KAZN: variants seen among roughly 807,000 people sequenced by gnomAD.
KAZN encodes kazrin, periplakin interacting protein.
KAZN carries 40 observed loss-of-function variants against 87.4 expected under a neutral mutation model. The observed-to-expected ratio is 0.46, with a 90% CI of 0.36 to 0.60. The LOEUF (loss-of-function observed/expected upper bound fraction) is 0.60. Among genes scored for constraint, KAZN ranks in the 20% least tolerant of loss-of-function variants. The pLI, the probability that KAZN is intolerant of heterozygous loss-of-function variation, is 0.00. For synonymous variants in KAZN, 466 were observed against 458.3 expected (o/e 1.02, Z -0.22); for missense variants, 898 against 1,073.9 (o/e 0.84, Z 2.29).
chr1:14,161,782 C>A (rs762006847), intron 1 of KAZN, among the ~76,000 whole-genome samples: 9 of 152,144 alleles, frequency 5.9e-5, no homozygotes, highest in Non-Finnish European at 1.0e-4. Context: ...CATCTCCAAA[C>A]CCCCCAAAAT....
At chr1:14,021,883 G>C (rs1640840792) in intron 1 of KAZN, among the ~76,000 whole-genome samples, 3 of 150,674 alleles carry the variant, frequency 2.0e-5, no homozygotes, top group Admixed American at 6.6e-5. Context: ...GCAATTATGA[G>C]ATGCAAACAG....
chr1:14,750,346 C>G (rs1644379496), intron 1 of KAZN, among the ~76,000 whole-genome samples: 1 of 152,168 alleles, frequency 6.6e-6, no homozygotes, highest in African/African-American at 2.4e-5. Context: ...TCCTGAATTT[C>G]CACAGCACTG....
At chr1:14,409,912 TA>T (rs1333568761) in intron 2 of KAZN, among the ~76,000 whole-genome samples, 4 of 152,158 alleles carry the variant, frequency 2.6e-5, no homozygotes, top group Admixed American at 6.5e-5. Context: ...ATTTTTTAAA[TA>T]ATCAAATTTC....
intron 2 of KAZN, among the ~76,000 whole-genome samples, chr1:14,282,311 C>A (rs752293366): frequency 6.6e-5 from 10 of 152,174 alleles, no homozygotes; most frequent in Admixed American, 2.6e-4. Context: ...TTACCACTGT[C>A]ATTACAACTC....
At chr1:13,920,071 G>A (rs547309226) in intron 1 of KAZN, among the ~76,000 whole-genome samples, 29 of 152,000 alleles carry the variant, frequency 1.9e-4, no homozygotes, top group African/African-American at 5.8e-4. Flanking sequence ...CCAATATGGC[G>A]AAACCCCATC....
At chr1:14,197,730 C>G (rs1030081139) in intron 2 of KAZN, among the ~76,000 whole-genome samples, 4 of 152,068 alleles carry the variant, frequency 2.6e-5, no homozygotes, top group African/African-American at 9.7e-5. Flanking sequence ...ACCACCACTA[C>G]CAGAACCTTA....
chr1:15,059,229 G>C (rs1222303778), intron 5 of KAZN, among the ~76,000 whole-genome samples: 1 of 151,924 alleles, frequency 6.6e-6, no homozygotes, highest in Non-Finnish European at 1.5e-5. Flanking sequence ...GAGCCACCAT[G>C]CCCAGCCAAA....
intron 2 of KAZN, among the ~76,000 whole-genome samples, chr1:14,520,765 C>G (rs116440800): frequency 6.6e-6 from 1 of 152,180 alleles, no homozygotes; most frequent in Admixed American, 6.5e-5. Flanking sequence ...AAACTCCCCC[C>G]AAACCTTAAT....
At chr1:14,133,385 GAAAGAAAGA>G (rs1645038601) in intron 1 of KAZN, among the ~76,000 whole-genome samples, 1 of 24,826 alleles carries the variant, frequency 4.0e-5, no homozygotes, top group African/African-American at 3.3e-4. Flanking sequence ...AAAAAAGAAA[GAAAGAAAGA>G]AAGAAAGAAA....
rs766135970 is a variant in KAZN, at chr1:15,034,764, G to A, written c.434G>A (p.Arg145Gln). 1.9e-6 allele frequency: 3 copies of A among 1,614,134 alleles called. No individual in the cohort carries two copies. Among genetic ancestry groups the A allele is most frequent in the South Asian group, 1.1e-5 (1 of 91,072 alleles). ...TTATCCCCAGCCATGAAAGCTGATC[G>A]GAAGCGCTTAAAGGGCGAGAAGACA... Reference protein sequence around the residue: ...KEALQAMKADRKRLKGEKTDL... With the variant: ...KEALQAMKADQKRLKGEKTDL... Residue 145 changes from arginine to glutamine, a missense_variant, in exon 3 of 15, where the codon CGG becomes CAG. Physicochemically the swap from Arg to Gln is conservative, Grantham distance 43. This residue lies in a region of KAZN where 250 missense variants were observed against 263.0 expected (regional missense o/e 0.95). Coordinates refer to ENST00000376030, the MANE Select transcript of KAZN (RefSeq NM_201628.3).
In KAZN at chr1:14,427,533, C is replaced by G. The variant is rs190457204; in HGVS notation, c.250-171450C>G. Among the ~76,000 whole-genome samples, 282 of 151,970 alleles carry G rather than the reference C, an allele frequency of 1.9e-3. 5 individuals carry two copies. In the East Asian group the frequency reaches 0.049, roughly 26 times the overall value. Reference sequence around the variant, plus strand: ...ATTTAAACACACACACACACACACACAGTATACATGTAGACATGTATACTA... The same window carrying G: ...ATTTAAACACACACACACACACACAGAGTATACATGTAGACATGTATACTA... On this transcript the variant is annotated intron_variant, in intron 2 of 16. Coordinates refer to the KAZN transcript ENST00000636203.
At chr1:14,687,772 T>C (rs537473490) in intron 1 of KAZN, among the ~76,000 whole-genome samples, 19 of 152,296 alleles carry the variant, frequency 1.2e-4, no homozygotes, top group African/African-American at 4.3e-4. Flanking sequence ...ATGAATCATA[T>C]CTTAAGAGTT....
At chr1:14,097,974 G>A (rs1401744071) in intron 1 of KAZN, among the ~76,000 whole-genome samples, 6 of 152,058 alleles carry the variant, frequency 3.9e-5, no homozygotes, top group Non-Finnish European at 7.4e-5. Flanking sequence ...AAATAAATAT[G>A]CCAAGCCATT....
intron 2 of KAZN, among the ~76,000 whole-genome samples, chr1:14,231,543 C>A (rs1647851198): frequency 6.6e-6 from 1 of 152,224 alleles, no homozygotes; most frequent in Admixed American, 6.5e-5. Context: ...AATCCTGTAT[C>A]TGAGTCCTAG....
At chr1:14,335,077 G>A (rs1657136101) in intron 2 of KAZN, among the ~76,000 whole-genome samples, 1 of 150,676 alleles carries the variant, frequency 6.6e-6, no homozygotes, top group Non-Finnish European at 1.5e-5. Flanking sequence ...TTTGGGCCAT[G>A]GGGGCGGATC....
Position 13,988,983 on chromosome 1 carries a change from A to G in KAZN, c.91+95227A>G, listed in dbSNP as rs111965813. ...GGTAATTTACAAAAAACAGAAATCT[A>G]TTGGCTTACAGTTACAGAGGCTAAG... On this transcript the variant is annotated intron_variant, in intron 1 of 16. Coordinates refer to the KAZN transcript ENST00000636203. Among the ~76,000 whole-genome samples the G allele has an allele frequency of 1.6e-3, 237 of 152,220 alleles. 1 individual carries two copies. Among genetic ancestry groups the G allele is most frequent in the Middle Eastern group, 6.8e-3 (2 of 294 alleles).
chr1:14,154,668 CTT>C (rs1310297667), intron 1 of KAZN, among the ~76,000 whole-genome samples: 1 of 152,134 alleles, frequency 6.6e-6, no homozygotes, highest in African/African-American at 2.4e-5. Context: ...AGGTATGTTC[CTT>C]CTATCCCCAG....
chr1:14,204,533 G>A (rs1206905530), intron 2 of KAZN, among the ~76,000 whole-genome samples: 1 of 152,076 alleles, frequency 6.6e-6, no homozygotes, highest in Non-Finnish European at 1.5e-5. Context: ...TCTTCCACAA[G>A]GAGAAACAAA....
chr1:14,633,465 G>A (rs1287477749), intron 1 of KAZN, among the ~76,000 whole-genome samples: 1 of 152,186 alleles, frequency 6.6e-6, no homozygotes, highest in African/African-American at 2.4e-5. Flanking sequence ...GGTGCCTCTA[G>A]AAGCCGGGAA....
Sources: allele counts gnomAD v4.1 joint callset (sites outside exome capture counted in the v4.1 genomes callset), GRCh38; gene constraint gnomAD v4.1.1; regional missense constraint gnomAD v4.1.1; transcripts MANE v1.5; gene names NCBI Gene and HGNC (gene_info 2026-07-23, HGNC 2026-07-21).